CIT: variants seen among roughly 807,000 people sequenced by gnomAD.
The protein encoded by CIT is citron Rho-interacting kinase.
A neutral mutation model predicts 272.7 loss-of-function variants in CIT; 79 were observed. The observed-to-expected ratio is 0.29, with a 90% CI of 0.24 to 0.35. CIT has a LOEUF of 0.35. CIT is among the 10% of genes least tolerant of loss of function. The pLI is 1.00. For missense variants in CIT, 1,909 were observed against 2,618.3 expected (o/e 0.73, Z 5.91); for synonymous variants, 948 against 995.6 (o/e 0.95, Z 0.90).
intron 3 of CIT, among the ~76,000 whole-genome samples, chr12:119,859,198 C>T (rs947239736): frequency 2.0e-5 from 3 of 152,194 alleles, no homozygotes; most frequent in African/African-American, 7.2e-5. Context: ...AGGCATTACA[C>T]ACCAAGGGCA....
intron 5 of CIT, 86 bp downstream of exon 5, chr12:119,850,087 TG>T: frequency 1.1e-6 from 1 of 873,732 alleles, no homozygotes. Context: ...TGAGACCACA[TG>T]GGCAAGAACA....
At chr12:119,831,202 CT>C (rs1246799535) in intron 7 of CIT, among the ~76,000 whole-genome samples, 1 of 152,162 alleles carries the variant, frequency 6.6e-6, no homozygotes, top group Non-Finnish European at 1.5e-5. Context: ...ATTATTTTAA[CT>C]TTTTTTCTGT....
chr12:119,804,372 G>C lies in CIT; in HGVS notation c.1112-983C>G, dbSNP rs1174422393. 9.1e-6 allele frequency: 9 copies of C among 985,440 alleles called. No individual in the cohort carries two copies. The highest frequency in any genetic ancestry group is 9.6e-6 in the Non-Finnish European group (8 of 830,028). The allele number at this position is 985,440 out of a possible 1,614,324, so 61.0% of individuals were successfully genotyped here. On this transcript the variant is annotated intron_variant, in intron 9 of 47. Coordinates refer to ENST00000392521, the MANE Select transcript of CIT (RefSeq NM_001206999.2). This position sits in a 1 kb window ranked among gnomAD's most constrained non-coding sequence, Gnocchi z 5.3. ...CGTGGCGGGCCAGCCAGGCGAGTTAGAGCCGAGCATCACATCCCCCGCAGT... is the reference window on the plus strand; with the variant it reads ...CGTGGCGGGCCAGCCAGGCGAGTTACAGCCGAGCATCACATCCCCCGCAGT...
intron 28 of CIT, among the ~76,000 whole-genome samples, chr12:119,725,987 T>TC (rs1250364471): frequency 1.3e-4 from 19 of 150,144 alleles, no homozygotes; most frequent in African/African-American, 4.0e-4. Context: ...CGGGGTGAAT[T>TC]CCTATGTGTG....
chr12:119,708,235 T>C lies in CIT; in HGVS notation c.5155A>G (p.Ile1719Val). 1 of 1,607,878 alleles carries C rather than the reference T, an allele frequency of 6.2e-7. No homozygotes were observed. The highest frequency in any genetic ancestry group is 8.5e-7 in the Non-Finnish European group (1 of 1,177,506). ...ACAGCTTCAAAAATGTTGGGTGAGA[T>C]GTCGGGCTGGGCAGGCAGGTGGGAC... ...AQSHLPAQPD[I>V]SPNIFEAVKG... Residue 1719 changes from isoleucine to valine, a missense_variant, in exon 40 of 48, where the codon ATC becomes GTC. By Grantham distance (29) the Ile-to-Val change is conservative. Transcript: ENST00000392521.
At chr12:119,707,449 T>C (rs2092290665) in intron 40 of CIT, among the ~76,000 whole-genome samples, 1 of 152,072 alleles carries the variant, frequency 6.6e-6, no homozygotes, top group Admixed American at 6.5e-5. Context: ...GAGGAGGCCA[T>C]GAAGAGAGGA....
chr12:119,724,930 CAAAAAAAAA>C (rs35757526), intron 28 of CIT, among the ~76,000 whole-genome samples: 3 of 44,528 alleles, frequency 6.7e-5, no homozygotes, highest in African/African-American at 1.5e-4. Flanking sequence ...GACTCCATCT[CAAAAAAAAA>C]AAAAAAAAAA....
chr12:119,744,003 A>G (rs1055164011), intron 23 of CIT, among the ~76,000 whole-genome samples: 1 of 152,224 alleles, frequency 6.6e-6, no homozygotes, highest in African/African-American at 2.4e-5. Context: ...AAAGAAAGTG[A>G]CGGATTTTAC....
chr12:119,718,928 T>A lies in CIT; in HGVS notation c.3841-67A>T. The A allele has an allele frequency of 1.3e-6, 2 of 1,540,794 alleles. No homozygotes were observed. The highest frequency in any genetic ancestry group is 2.3e-5 in the South Asian group (2 of 87,092). On this transcript the variant is annotated intron_variant, in intron 30 of 47. Transcript: ENST00000392521. This position sits in a 1 kb window ranked among gnomAD's most constrained non-coding sequence, Gnocchi z 4.8. The stretch of plus-strand genomic sequence containing the variant: ...GGCACTTGAAACTAGCTAAAGGAAA[T>A]CTGACTCGGGAGGAGCAAACCACAA...
At chr12:119,733,538 AAAAAACAAAAAAAAC>A (rs1958590020) in intron 26 of CIT, among the ~76,000 whole-genome samples, 1 of 152,044 alleles carries the variant, frequency 6.6e-6, no homozygotes, top group Non-Finnish European at 1.5e-5. Context: ...ACAAAAAAAA[AAAAAACAAAAAAAAC>A]CCACTAAACT....
At position 119,757,465 on chromosome 12, in the gene CIT, T is replaced by C. The variant is rs1460462535; in HGVS notation, c.2612A>G (p.Gln871Arg). ...LETQAGKLEA[Q>R]NRKLEEQLEK... is the part of the protein sequence containing the mutation. ...CAGCTGCTCCTCCAGTTTTCGGTTC[T>C]GGGCCTCCAACTTCCCAGCCTGTGT... Residue 871 changes from glutamine to arginine, a missense_variant, in exon 22 of 48, where the codon CAG (glutamine) becomes CGG (arginine). Gln to Arg is a conservative substitution (Grantham distance 43). Transcript: ENST00000392521. The C allele has an allele frequency of 1.2e-6, 2 of 1,614,116 alleles. No homozygotes were observed. Among genetic ancestry groups the C allele is most frequent in the Non-Finnish European group, 1.7e-6 (2 of 1,180,050 alleles).
chr12:119,692,614 A>G (rs1016680387), intron 46 of CIT, among the ~76,000 whole-genome samples: 5 of 152,260 alleles, frequency 3.3e-5, no homozygotes, highest in Non-Finnish European at 7.3e-5. Flanking sequence ...CTGCTTCCGC[A>G]TGACCACAAC....
At chr12:119,865,993 C>A (rs1217354620) in intron 3 of CIT, among the ~76,000 whole-genome samples, 1 of 151,990 alleles carries the variant, frequency 6.6e-6, no homozygotes, top group Admixed American at 6.6e-5. Context: ...TACCCAGCAT[C>A]CCCGGCTCCT....
At chr12:119,717,838 C>CCTTTTTTTTTTTTTTTTTTT (rs1957598855) in intron 32 of CIT, among the ~76,000 whole-genome samples, 14 of 81,332 alleles carry the variant, frequency 1.7e-4, no homozygotes, top group Non-Finnish European at 2.7e-4. Context: ...TGACTTCTTT[C>CCTTTTTTTTTTTTTTTTTTT]TTTTTTTTTT....
rs1181664283 is a variant in CIT at position 119,697,152 on chromosome 12, T to C, written c.5882+507A>G. ...CCTGAGCACCCCTCACTGGTCTCCC[T>C]GCCCCCACCTCGTATCTGATGGGAA... is the stretch of plus-strand genomic sequence containing the variant. On this transcript the variant is annotated intron_variant, in intron 46 of 47. Coordinates refer to ENST00000392521, the MANE Select transcript of CIT (RefSeq NM_001206999.2). The surrounding 1 kb of genome is among the most constrained non-coding windows in gnomAD (Gnocchi z 4.9). Among the ~76,000 whole-genome samples, 2 of 152,048 alleles carry C rather than the reference T, an allele frequency of 1.3e-5. No individual in the cohort carries two copies. Among genetic ancestry groups the C allele is most frequent in the African/African-American group, 4.8e-5 (2 of 41,394 alleles).
At chr12:119,735,483 C>A in intron 24 of CIT, 126 bp from the exon 25 acceptor site, 1 of 873,918 alleles carries the variant, frequency 1.1e-6, no homozygotes, top group Non-Finnish European at 1.8e-6. Flanking sequence ...ATGAGTTTGC[C>A]CACCTGACCG....
chr12:119,844,203 G>T (rs980603675), intron 5 of CIT, among the ~76,000 whole-genome samples: 2 of 151,922 alleles, frequency 1.3e-5, no homozygotes, highest in Non-Finnish European at 2.9e-5. Flanking sequence ...TGTATTCTTA[G>T]TAGAGACGGG....
At chr12:119,703,861 G>A (rs544026298) in intron 41 of CIT, among the ~76,000 whole-genome samples, 2 of 152,228 alleles carry the variant, frequency 1.3e-5, no homozygotes, top group South Asian at 2.1e-4. Context: ...CACACATCTC[G>A]TCCATATTGC....
intron 21 of CIT, among the ~76,000 whole-genome samples, chr12:119,757,950 G>A (rs1961241289): frequency 6.6e-6 from 1 of 152,188 alleles, no homozygotes; most frequent in Non-Finnish European, 1.5e-5. Flanking sequence ...TAAGGAGAAA[G>A]AATGGTATTC....
Sources: gnomAD v4.1 joint callset for allele counts (sites outside exome capture counted in the v4.1 genomes callset) on GRCh38, gnomAD v4.1.1 for gene constraint, Gnocchi (gnomAD v3.1) non-coding constraint, MANE v1.5 for transcripts, NCBI Gene and HGNC (gene_info 2026-07-23, HGNC 2026-07-21) for gene names.